FAM227B: variants seen among roughly 807,000 people sequenced by gnomAD.
FAM227B encodes the protein protein FAM227B.
A neutral mutation model predicts 73.8 loss-of-function variants in FAM227B; 88 were observed. The observed-to-expected ratio is 1.19, with a 90% CI of 1.00 to 1.42. The LOEUF is 1.42. Ranked by LOEUF, FAM227B falls within the 40% of genes most tolerant of loss-of-function variation. The probability of loss-of-function intolerance (pLI) is 0.00; values close to 1 mark genes in which losing one functional copy is unlikely to be tolerated. For missense variants in FAM227B, 632 were observed against 590.9 expected (o/e 1.07, Z -0.72); for synonymous variants, 210 against 190.5 (o/e 1.10, Z -0.84).
chr15:49,444,173 T>A (rs1849706546), intron 11 of FAM227B, among the ~76,000 whole-genome samples: 1 of 151,650 alleles, frequency 6.6e-6, no homozygotes, highest in Non-Finnish European at 1.5e-5. Context: ...GAACCATATG[T>A]ACTATTTAAT....
chr15:49,599,309 C>T (rs1236551594), intron 3 of FAM227B, among the ~76,000 whole-genome samples: 1 of 151,880 alleles, frequency 6.6e-6, no homozygotes, highest in Non-Finnish European at 1.5e-5. Context: ...ATTTCTGATT[C>T]TATTTATTTG....
In FAM227B at chr15:49,401,186, C is replaced by A. The variant is rs1252355295; in HGVS notation, c.1013-29787G>T. On this transcript the variant is annotated intron_variant, in intron 11 of 15. Coordinates refer to ENST00000299338, the MANE Select transcript of FAM227B (RefSeq NM_152647.3). The stretch of plus-strand genomic sequence containing the variant: ...ACAAACAACCCCATCAAAAAGTGGG[C>A]GAAGGACATGAACAGACACTTCTCA... 3.3e-5 allele frequency among the ~76,000 whole-genome samples: 5 copies of A among 152,162 alleles called. No individual in the cohort carries two copies. In the East Asian group the frequency reaches 9.6e-4, roughly 29 times the overall value.
At chr15:49,428,020 A>G (rs1351767232) in intron 11 of FAM227B, among the ~76,000 whole-genome samples, 1 of 152,036 alleles carries the variant, frequency 6.6e-6, no homozygotes, top group African/African-American at 2.4e-5. Context: ...GAATGAATAT[A>G]TTACAGAAAG....
intron 10 of FAM227B, among the ~76,000 whole-genome samples, chr15:49,538,517 A>C (rs2070590325): frequency 6.6e-6 from 1 of 152,130 alleles, no homozygotes; most frequent in African/African-American, 2.4e-5. Context: ...TTTGGGTACC[A>C]GGGGGTGCAA....
At chr15:49,567,300 AG>A (rs34729962) in intron 9 of FAM227B, among the ~76,000 whole-genome samples, 40,615 of 152,012 alleles carry the variant, frequency 0.27, 6,331 homozygotes, top group Non-Finnish European at 0.36. Flanking sequence ...AAAATAATCA[AG>A]ACCTAATCAA....
At chr15:49,581,626 A>G (rs988323825) in intron 5 of FAM227B, among the ~76,000 whole-genome samples, 2 of 152,146 alleles carry the variant, frequency 1.3e-5, no homozygotes, top group South Asian at 2.1e-4. Flanking sequence ...TGTATTCAGT[A>G]TTCTTAAAGA....
chr15:49,422,331 T>C (rs2049754412), intron 11 of FAM227B: 1 of 200,456 alleles, frequency 5.0e-6, no homozygotes, highest in African/African-American at 2.3e-5. Flanking sequence ...GAACAGGAAG[T>C]AAAGGAGAGA....
Position 49,328,061 on chromosome 15 carries a change from G to T in FAM227B, c.*507C>A. ...CAGCTTTCTAGCAAATGTGCACAAA[G>T]CTTATTACCAGAGGAGTGATGGAAG... On this transcript the variant is annotated 3_prime_UTR_variant, in exon 16 of 16. Coordinates refer to ENST00000299338, the MANE Select transcript of FAM227B (RefSeq NM_152647.3). The T allele has an allele frequency of 6.2e-7, 1 of 1,614,074 alleles. No homozygotes were observed. The highest frequency in any genetic ancestry group is 8.5e-7 in the Non-Finnish European group (1 of 1,179,970).
chr15:49,437,492 T>C (rs2051212350), intron 11 of FAM227B, among the ~76,000 whole-genome samples: 2 of 151,670 alleles, frequency 1.3e-5, no homozygotes, highest in Admixed American at 1.3e-4. Flanking sequence ...AATCCAAAGA[T>C]AGTATATCTG....
At chr15:49,527,125 T>TA (rs1421610637) in intron 10 of FAM227B, among the ~76,000 whole-genome samples, 1 of 151,776 alleles carries the variant, frequency 6.6e-6, no homozygotes, top group African/African-American at 2.4e-5. Context: ...AACACGGATG[T>TA]AAAAATTTTC....
At chr15:49,371,433 T>C in intron 11 of FAM227B, 34 bp from the exon 12 acceptor site, 1 of 1,343,468 alleles carries the variant, frequency 7.4e-7, no homozygotes, top group Non-Finnish European at 1.0e-6. Flanking sequence ...TTTAAAATTC[T>C]GGTATTTTTT....
In FAM227B at chr15:49,485,683, C is replaced by G. The variant is rs1004767045; in HGVS notation, c.1012+22528G>C. 2.0e-5 allele frequency: 3 copies of G among 152,324 alleles called. No individual in the cohort carries two copies. In the South Asian group the frequency reaches 6.2e-4, roughly 32 times the overall value. 9.4% of individuals were successfully genotyped at this position (152,324 alleles called of 1,614,324 possible). A position where few individuals can be genotyped will look rare whatever the true frequency, so the allele number is the denominator to read the frequency against. Reference sequence around the variant, plus strand: ...AATAGATGTCTCACACAGAACAATACAAATATGTAAAAAATCTTTCACCAC... The same window carrying G: ...AATAGATGTCTCACACAGAACAATAGAAATATGTAAAAAATCTTTCACCAC... On this transcript the variant is annotated intron_variant, in intron 11 of 15. Transcript: ENST00000299338.
intron 11 of FAM227B, among the ~76,000 whole-genome samples, chr15:49,388,228 A>G (rs1344387088): frequency 6.6e-6 from 1 of 152,010 alleles, no homozygotes; most frequent in Non-Finnish European, 1.5e-5. Flanking sequence ...CGGACTTCAA[A>G]TTATACTATA....
chr15:49,536,727 T>C (rs1026779863), intron 10 of FAM227B, among the ~76,000 whole-genome samples: 1 of 151,884 alleles, frequency 6.6e-6, no homozygotes, highest in African/African-American at 2.4e-5. Flanking sequence ...GACATAAAGA[T>C]GAGGTATAGA....
intron 10 of FAM227B, among the ~76,000 whole-genome samples, chr15:49,531,936 T>G (rs1247527663): frequency 6.6e-6 from 1 of 151,572 alleles, no homozygotes; most frequent in African/African-American, 2.4e-5. Context: ...GATAAACAGG[T>G]AGTTACTTTG....
intron 9 of FAM227B, among the ~76,000 whole-genome samples, chr15:49,559,438 CT>C (rs2074053380): frequency 6.6e-6 from 1 of 152,112 alleles, no homozygotes; most frequent in Admixed American, 6.5e-5. Flanking sequence ...GATCAGGTAC[CT>C]ACCTACCTGC....
chr15:49,611,295 A>G lies in FAM227B; in HGVS notation c.52-27T>C, dbSNP rs556214352. 1.1e-5 allele frequency: 15 copies of G among 1,349,546 alleles called. No individual in the cohort carries two copies. The East Asian group carries it at 2.8e-4, about 25-fold the overall frequency. The allele number at this position is 1,349,546 out of a possible 1,614,324, so 83.6% of individuals were successfully genotyped here. Reference sequence around the variant, plus strand: ...TAATAAAGTAATATCAACATTGTTCATTGGCATAAACTCACTAGACTGTTC... The same window carrying G: ...TAATAAAGTAATATCAACATTGTTCGTTGGCATAAACTCACTAGACTGTTC... On this transcript the variant is annotated intron_variant, in intron 2 of 15. Coordinates refer to ENST00000299338, the MANE Select transcript of FAM227B (RefSeq NM_152647.3).
At chr15:49,553,627 C>T (rs1047329126) in intron 9 of FAM227B, among the ~76,000 whole-genome samples, 4 of 152,208 alleles carry the variant, frequency 2.6e-5, no homozygotes, top group Non-Finnish European at 5.9e-5. Flanking sequence ...GTCCTTCCTA[C>T]TCTTCCCTCC....
chr15:49,427,936 T>C (rs1340686972), intron 11 of FAM227B, among the ~76,000 whole-genome samples: 2 of 152,048 alleles, frequency 1.3e-5, no homozygotes, highest in Non-Finnish European at 2.9e-5. Context: ...CTATCCTGGA[T>C]TGTGAGGTTG....
Sources: allele counts gnomAD v4.1 joint callset (sites outside exome capture counted in the v4.1 genomes callset), GRCh38; gene constraint gnomAD v4.1.1; transcripts MANE v1.5; gene names NCBI Gene and HGNC (gene_info 2026-07-23, HGNC 2026-07-21).